ZFAND3: variants seen among roughly 807,000 people sequenced by gnomAD.
ZFAND3 encodes the protein AN1-type zinc finger protein 3.
A neutral mutation model predicts 29.6 loss-of-function variants in ZFAND3; 10 were observed. The ratio of observed to expected loss-of-function variants is 0.34; its 90% CI spans 0.21 to 0.57. The LOEUF (loss-of-function observed/expected upper bound fraction) is 0.57, where lower values mean the gene tolerates loss of function less well. ZFAND3 is among the 20% of genes least tolerant of loss of function. The pLI is 0.86. For synonymous variants in ZFAND3, 128 were observed against 112.6 expected, an observed-to-expected ratio of 1.14 and a Z score of -0.87; for missense variants, 230 against 304.5, an observed-to-expected ratio of 0.76 and a Z score of 1.82.
At chr6:37,946,617 A>AT (rs1007975505) in intron 2 of ZFAND3, among the ~76,000 whole-genome samples, 16 of 152,114 alleles carry the variant, frequency 1.1e-4, no homozygotes, top group South Asian at 2.1e-4. Flanking sequence ...GGAAGCATTA[A>AT]TTTTTTTACT....
intron 2 of ZFAND3, among the ~76,000 whole-genome samples, chr6:38,059,749 C>T (rs1561984119): frequency 2.6e-5 from 4 of 151,942 alleles, no homozygotes; most frequent in Non-Finnish European, 4.4e-5. Flanking sequence ...TGGTGGTACA[C>T]GTCTGTAATC....
In ZFAND3 at chr6:37,990,971, G is replaced by A. The variant is rs945391964; in HGVS notation, c.112+60972G>A. Among the ~76,000 whole-genome samples the A allele has an allele frequency of 4.6e-5, 7 of 152,320 alleles. No individual in the cohort carries two copies. The East Asian group carries it at 1.3e-3, about 29-fold the overall frequency. On this transcript the variant is annotated intron_variant, in intron 2 of 5. Transcript: ENST00000287218. ...GCAGGCATCCTTGACAGGCTTTTCT[G>A]TCTCTTAAAAGTTCAGTCAGGGATA...
rs58299522 is a variant in ZFAND3 at position 37,980,744 on chromosome 6, T to TG, written c.112+50746dup. The stretch of plus-strand genomic sequence containing the variant: ...ATTTGTCAAGAGTTTTATGACTTCA[T>TG]GATCTATCGTACAATATTAATCCTG... On this transcript the variant is annotated intron_variant, in intron 2 of 5. Coordinates refer to ENST00000287218, the MANE Select transcript of ZFAND3 (RefSeq NM_021943.3). Among the ~76,000 whole-genome samples the TG allele has an allele frequency of 0.017, 2,582 of 152,302 alleles. 252 individuals carry two copies. The East Asian group carries it at 0.28, about 16-fold the overall frequency.
At chr6:38,149,689 G>A (rs1214908777) in intron 5 of ZFAND3, among the ~76,000 whole-genome samples, 2 of 152,182 alleles carry the variant, frequency 1.3e-5, no homozygotes, top group African/African-American at 2.4e-5. Context: ...GGCAAGCTAA[G>A]CAAACATGGA....
At chr6:37,919,515 A>AT (rs879524380) in intron 1 of ZFAND3, among the ~76,000 whole-genome samples, 39 of 147,006 alleles carry the variant, frequency 2.7e-4, no homozygotes, top group South Asian at 1.1e-3. Flanking sequence ...TATCACATTC[A>AT]TTTTTTTTTT....
intron 1 of ZFAND3, among the ~76,000 whole-genome samples, chr6:37,903,485 G>A (rs913347545): frequency 4.6e-5 from 7 of 152,110 alleles, no homozygotes; most frequent in South Asian, 2.1e-4. Flanking sequence ...CTGTCAAAGC[G>A]TCTCCTATCT....
intron 4 of ZFAND3, among the ~76,000 whole-genome samples, chr6:38,087,233 C>T (rs1472135337): frequency 6.6e-6 from 1 of 152,086 alleles, no homozygotes; most frequent in Non-Finnish European, 1.5e-5. Flanking sequence ...AACTATGAAA[C>T]TACTACAAGA....
At chr6:38,062,143 T>C (rs985600937) in intron 3 of ZFAND3, among the ~76,000 whole-genome samples, 7 of 152,128 alleles carry the variant, frequency 4.6e-5, no homozygotes, top group African/African-American at 1.7e-4. Context: ...CCGCAGAGGA[T>C]TTCTAATATG....
rs2274090 is a variant in ZFAND3 at position 37,853,192 on chromosome 6, T to C, written c.71+33176T>C. Among the ~76,000 whole-genome samples, 2,169 of 152,220 alleles carry C rather than the reference T, an allele frequency of 0.014. 250 individuals carry two copies. In the East Asian group the frequency reaches 0.28, roughly 20 times the overall value. On this transcript the variant is annotated intron_variant, in intron 1 of 5. Transcript: ENST00000287218. ...GTGAGTTGATTCATTCATCTGATTC[T>C]GTATTTAATATCTAAATGGGATCAG...
chr6:37,930,126 G>A, intron 2 of ZFAND3, 127 bp downstream of exon 2: 1 of 930,680 alleles, frequency 1.1e-6, no homozygotes, highest in Non-Finnish European at 1.5e-6. Flanking sequence ...TTCTTAGCTT[G>A]TGTGAGAAAG....
chr6:38,146,903 T>G (rs1223408419), intron 5 of ZFAND3, among the ~76,000 whole-genome samples: 1 of 151,598 alleles, frequency 6.6e-6, no homozygotes, highest in African/African-American at 2.4e-5. Flanking sequence ...GATATGGGAA[T>G]GTATGTATGT....
intron 2 of ZFAND3, among the ~76,000 whole-genome samples, chr6:38,028,580 AT>A (rs1763491993): frequency 6.6e-6 from 1 of 152,184 alleles, no homozygotes; most frequent in African/African-American, 2.4e-5. Context: ...GATCTGCTTG[AT>A]TAGATCCAGG....
intron 1 of ZFAND3, among the ~76,000 whole-genome samples, chr6:37,877,956 C>T (rs1010442291): frequency 3.3e-5 from 5 of 152,116 alleles, no homozygotes; most frequent in Non-Finnish European, 5.9e-5. Context: ...TGGCTGCTTT[C>T]GTGGAGAACA....
intron 1 of ZFAND3, among the ~76,000 whole-genome samples, chr6:37,840,523 G>A (rs1178709420): frequency 6.6e-6 from 1 of 152,212 alleles, no homozygotes; most frequent in Non-Finnish European, 1.5e-5. Flanking sequence ...TATCAAGCAT[G>A]TTTTGGCTGT....
At chr6:38,071,742 C>T (rs1211068134) in intron 3 of ZFAND3, among the ~76,000 whole-genome samples, 1 of 152,088 alleles carries the variant, frequency 6.6e-6, no homozygotes, top group African/African-American at 2.4e-5. Flanking sequence ...AATGTCATCT[C>T]TCTGCACAAG....
chr6:37,862,248 T>C (rs1014238258), intron 1 of ZFAND3, among the ~76,000 whole-genome samples: 1 of 152,168 alleles, frequency 6.6e-6, no homozygotes, highest in Non-Finnish European at 1.5e-5. Flanking sequence ...GTTCTTGCAC[T>C]GCCAAACCAT....
At chr6:37,966,026 G>A (rs1197768469) in intron 2 of ZFAND3, among the ~76,000 whole-genome samples, 3 of 152,140 alleles carry the variant, frequency 2.0e-5, no homozygotes, top group Non-Finnish European at 4.4e-5. Context: ...ACCTCCCTAA[G>A]TGCTGGGATT....
chr6:37,858,877 T>A (rs1189116836), intron 1 of ZFAND3, among the ~76,000 whole-genome samples: 1 of 152,378 alleles, frequency 6.6e-6, no homozygotes, highest in Middle Eastern at 3.4e-3. Flanking sequence ...ACACCTTTTT[T>A]GATTTTACCA....
chr6:38,144,200 TATATATATATAATATATAATATATATA>T (rs1562015903), intron 5 of ZFAND3, among the ~76,000 whole-genome samples: 5 of 41,234 alleles, frequency 1.2e-4, no homozygotes, highest in African/African-American at 7.3e-4. Context: ...TATATATATA[TATATATATATAATATATAATATATATA>T]TATATTTTTT....
Sources: gnomAD v4.1 joint callset for allele counts (sites outside exome capture counted in the v4.1 genomes callset) on GRCh38, gnomAD v4.1.1 for gene constraint, MANE v1.5 for transcripts, NCBI Gene and HGNC (gene_info 2026-07-23, HGNC 2026-07-21) for gene names.